AGPAT4: variants seen among roughly 807,000 people sequenced by gnomAD.
The protein encoded by AGPAT4 is 1-acyl-sn-glycerol-3-phosphate acyltransferase delta.
A neutral mutation model predicts 48.0 loss-of-function variants in AGPAT4; 15 were observed. The ratio of observed to expected loss-of-function variants is 0.31; its 90% confidence interval spans 0.21 to 0.48. The LOEUF is 0.48. AGPAT4 is among the 20% of genes least tolerant of loss of function. The probability of loss-of-function intolerance (pLI) is 0.99; values close to 1 mark genes in which losing one functional copy is unlikely to be tolerated. For missense variants in AGPAT4, 314 were observed against 482.5 expected (o/e 0.65, Z 3.27); for synonymous variants, 178 against 198.7 (o/e 0.90, Z 0.88).
At chr6:161,250,531 G>GT (rs1362150209) in intron 1 of AGPAT4, among the ~76,000 whole-genome samples, 2 of 151,664 alleles carry the variant, frequency 1.3e-5, no homozygotes, top group African/African-American at 4.8e-5. Flanking sequence ...GCTTCTTTGT[G>GT]TTTTTTCAAG....
In AGPAT4 at chr6:161,196,606, G is replaced by A. The variant is rs1287165538; in HGVS notation, c.179-30189C>T. Among the ~76,000 whole-genome samples the A allele has an allele frequency of 2.0e-5, 3 of 151,934 alleles. No homozygotes were observed. Among genetic ancestry groups the A allele is most frequent in the Admixed American group, 6.6e-5 (1 of 15,260 alleles). ...GCGGATCACTTGAGGTCAAGAGTTC[G>A]AGACCAGCCTGGCCAACATGGTGAA... On this transcript the variant is annotated intron_variant, in intron 2 of 8. Transcript: ENST00000320285. The surrounding 1 kb of genome is among the most constrained non-coding windows in gnomAD (Gnocchi z 4.3).
rs994940251 is a variant in AGPAT4 at position 161,138,224 on chromosome 6, G to A, written c.1042+1198C>T. Among the ~76,000 whole-genome samples, 2 of 152,186 alleles carry A rather than the reference G, an allele frequency of 1.3e-5. No individual in the cohort carries two copies. Among genetic ancestry groups the A allele is most frequent in the African/African-American group, 2.4e-5 (1 of 41,450 alleles). On this transcript the variant is annotated intron_variant, in intron 8 of 8. Transcript: ENST00000320285. This position sits in a 1 kb window ranked among gnomAD's most constrained non-coding sequence, Gnocchi z 4.8. ...AACCTCTTATTTTTTTCCCTTACAC[G>A]GTGTGGGTGTTGTTTTAATATTTTA...
At position 161,136,418 on chromosome 6, in the gene AGPAT4, T is replaced by G; in HGVS notation, c.*122A>C. Reference sequence around the variant, plus strand: ...AGACCAGACTCCCTGGCTGGAGAGGTCGTGACTTCCGCCGTGCCCAGCAGG... The same window carrying G: ...AGACCAGACTCCCTGGCTGGAGAGGGCGTGACTTCCGCCGTGCCCAGCAGG... On this transcript the variant is annotated 3_prime_UTR_variant, in exon 9 of 9. Transcript: ENST00000320285. 5 of 790,566 alleles carry G rather than the reference T, an allele frequency of 6.3e-6. No homozygotes were observed. Among genetic ancestry groups the G allele is most frequent in the Non-Finnish European group, 1.0e-5 (5 of 476,762 alleles). The allele number at this position is 790,566 out of a possible 1,614,324, so 49.0% of individuals were successfully genotyped here.
At position 161,226,953 on chromosome 6, in the gene AGPAT4, G is replaced by A. The variant is rs1052380394; in HGVS notation, c.178+5083C>T. Among the ~76,000 whole-genome samples the A allele has an allele frequency of 7.2e-5, 11 of 152,194 alleles. No homozygotes were observed. Among genetic ancestry groups the A allele is most frequent in the Admixed American group, 2.6e-4 (4 of 15,290 alleles). ...AAAGCAGGGAAGAAGAAGGAAGAAG[G>A]AATAGAAGAAGGAAAGATTGTTTTG... On this transcript the variant is annotated intron_variant, in intron 2 of 8. Transcript: ENST00000320285. This position sits in a 1 kb window ranked among gnomAD's most constrained non-coding sequence, Gnocchi z 6.3.
rs533914093 is a variant in AGPAT4, at chr6:161,204,643, A to G, written c.178+27393T>C. On this transcript the variant is annotated intron_variant, in intron 2 of 8. Coordinates refer to ENST00000320285, the MANE Select transcript of AGPAT4 (RefSeq NM_020133.3). This position sits in a 1 kb window ranked among gnomAD's most constrained non-coding sequence, Gnocchi z 4.4. ...ATCTCAAAAGGCAAACAAAATGTCA[A>G]TCAAAATTGATGTATGGTTGTTTGT... 6.6e-6 allele frequency among the ~76,000 whole-genome samples: 1 copy of G among 152,240 alleles called. No homozygotes were observed. Among genetic ancestry groups the G allele is most frequent in the Admixed American group, 6.5e-5 (1 of 15,286 alleles).
chr6:161,157,009 T>C (rs1479843295), intron 3 of AGPAT4, among the ~76,000 whole-genome samples: 1 of 152,226 alleles, frequency 6.6e-6, no homozygotes, highest in Admixed American at 6.5e-5. Flanking sequence ...AATACGTGGG[T>C]AAATCTCTGT....
At position 161,244,310 on chromosome 6, in the gene AGPAT4, G is replaced by A. The variant is rs1782588409; in HGVS notation, c.-89-12008C>T. Among the ~76,000 whole-genome samples the A allele has an allele frequency of 6.6e-6, 1 of 152,204 alleles. No homozygotes were observed. Among genetic ancestry groups the A allele is most frequent in the East Asian group, 1.9e-4 (1 of 5,200 alleles). On this transcript the variant is annotated intron_variant, in intron 1 of 8. Coordinates refer to ENST00000320285, the MANE Select transcript of AGPAT4 (RefSeq NM_020133.3). The surrounding 1 kb of genome is among the most constrained non-coding windows in gnomAD (Gnocchi z 4.7). ...GATGGGGCTGACACCAACGCAGACA[G>A]CACGTTCCTACATCACCAGCAAATC...
rs1346130272 is a variant in AGPAT4, at chr6:161,242,491, A to T, written c.-89-10189T>A. Among the ~76,000 whole-genome samples, 1 of 152,158 alleles carries T rather than the reference A, an allele frequency of 6.6e-6. No homozygotes were observed. Among genetic ancestry groups the T allele is most frequent in the African/African-American group, 2.4e-5 (1 of 41,430 alleles). ...TAGAAGGCCACATCCTCCAAACCCC[A>T]TCCAGCTCGCCCGCAGCCTCATGGG... On this transcript the variant is annotated intron_variant, in intron 1 of 8. Coordinates refer to ENST00000320285, the MANE Select transcript of AGPAT4 (RefSeq NM_020133.3). This position sits in a 1 kb window ranked among gnomAD's most constrained non-coding sequence, Gnocchi z 5.0.
chr6:161,170,022 T>G (rs749155751), intron 2 of AGPAT4, among the ~76,000 whole-genome samples: 1 of 152,168 alleles, frequency 6.6e-6, no homozygotes, highest in Non-Finnish European at 1.5e-5. Flanking sequence ...GGTGGTTGTA[T>G]TTTGCTCTGT....
rs1044585390 is a variant in AGPAT4, at chr6:161,244,512, G to A, written c.-89-12210C>T. ...TCATGTTTAATAACCATTGGGGAAA[G>A]GGTTACAAGCGTAATCTTTTCAGTA... On this transcript the variant is annotated intron_variant, in intron 1 of 8. Coordinates refer to ENST00000320285, the MANE Select transcript of AGPAT4 (RefSeq NM_020133.3). The surrounding 1 kb of genome is among the most constrained non-coding windows in gnomAD (Gnocchi z 4.7). Among the ~76,000 whole-genome samples the A allele has an allele frequency of 2.0e-5, 3 of 152,144 alleles. No homozygotes were observed. The highest frequency in any genetic ancestry group is 2.0e-4 in the Admixed American group (3 of 15,278).
At position 161,133,247 on chromosome 6, in the gene AGPAT4, C is replaced by CTGTT. The variant is rs1385386878; in HGVS notation, c.*3289_*3292dup. ...GGCCTTTTTTGTGTCTTTCACATCACTGTTACAAGTTGTGGCTGGACAATT... is the reference window on the plus strand; with the variant it reads ...GGCCTTTTTTGTGTCTTTCACATCACTGTTTGTTACAAGTTGTGGCTGGACAATT... On this transcript the variant is annotated 3_prime_UTR_variant, in exon 9 of 9. Coordinates refer to ENST00000320285, the MANE Select transcript of AGPAT4 (RefSeq NM_020133.3). 6.6e-6 allele frequency: 1 copy of CTGTT among 152,244 alleles called. No individual in the cohort carries two copies. Among genetic ancestry groups the CTGTT allele is most frequent in the East Asian group, 1.9e-4 (1 of 5,202 alleles). The allele number at this position is 152,244 out of a possible 1,614,324, so 9.4% of individuals were successfully genotyped here.
Position 161,155,140 on chromosome 6 carries a change from G to T in AGPAT4, c.349-830C>A, listed in dbSNP as rs1167235926. ...CACAGGTCCCCTCTGGGGAGTCTCA[G>T]GGCAGTCCTGGGTCCCCAGGGCTCG... On this transcript the variant is annotated intron_variant, in intron 3 of 8. Transcript: ENST00000320285. The surrounding 1 kb of genome is among the most constrained non-coding windows in gnomAD (Gnocchi z 5.8). Among the ~76,000 whole-genome samples the T allele has an allele frequency of 6.6e-6, 1 of 152,188 alleles. No homozygotes were observed. Among genetic ancestry groups the T allele is most frequent in the Non-Finnish European group, 1.5e-5 (1 of 68,016 alleles).
chr6:161,250,979 G>A (rs1562357533), intron 1 of AGPAT4, among the ~76,000 whole-genome samples: 1 of 151,880 alleles, frequency 6.6e-6, no homozygotes, highest in South Asian at 2.1e-4. Flanking sequence ...ATAACATCTC[G>A]CCTATTCCAT....
In AGPAT4 at chr6:161,132,685, C is replaced by T. The variant is rs1342736021; in HGVS notation, c.*3855G>A. 6.6e-6 allele frequency: 1 copy of T among 152,258 alleles called. No homozygotes were observed. Among genetic ancestry groups the T allele is most frequent in the Admixed American group, 6.5e-5 (1 of 15,294 alleles). 9.4% of individuals were successfully genotyped at this position (152,258 alleles called of 1,614,324 possible). On this transcript the variant is annotated 3_prime_UTR_variant, in exon 9 of 9. Transcript: ENST00000320285. ...CATCTGTGAGCATGTTACACATGGG[C>T]TTGCCTAAGTATTTCCTTCTCTGTG...
At chr6:161,260,957 G>A (rs903639589) in intron 1 of AGPAT4, among the ~76,000 whole-genome samples, 6 of 152,176 alleles carry the variant, frequency 3.9e-5, no homozygotes, top group Admixed American at 2.0e-4. Context: ...GCCATGAGGA[G>A]GTCAGGAAAT....
At chr6:161,194,272 C>T (rs929300713) in intron 2 of AGPAT4, among the ~76,000 whole-genome samples, 2 of 152,084 alleles carry the variant, frequency 1.3e-5, no homozygotes, top group Non-Finnish European at 2.9e-5. Context: ...AATTTGGCTA[C>T]CAGAAAATTT....
chr6:161,165,699 G>T lies in AGPAT4; in HGVS notation c.348+549C>A. 1 of 1,117,076 alleles carries T rather than the reference G, an allele frequency of 9.0e-7. No homozygotes were observed. Among genetic ancestry groups the T allele is most frequent in the Non-Finnish European group, 1.2e-6 (1 of 818,220 alleles). The allele number at this position is 1,117,076 out of a possible 1,614,324, so 69.2% of individuals were successfully genotyped here. A position where few individuals can be genotyped will look rare whatever the true frequency, so the allele number is the denominator to read the frequency against. Reference sequence around the variant, plus strand: ...CCAGTTCCAAAGGCATGCAAGCTACGTGCAAGAGGTCAAACTAGTTGGGAA... The same window carrying T: ...CCAGTTCCAAAGGCATGCAAGCTACTTGCAAGAGGTCAAACTAGTTGGGAA... On this transcript the variant is annotated intron_variant, in intron 3 of 8. Transcript: ENST00000320285. This position sits in a 1 kb window ranked among gnomAD's most constrained non-coding sequence, Gnocchi z 5.5.
intron 1 of AGPAT4, among the ~76,000 whole-genome samples, chr6:161,258,937 C>T (rs2114746358): frequency 6.6e-6 from 1 of 152,090 alleles, no homozygotes; most frequent in South Asian, 2.1e-4. Context: ...GCTGGGATTA[C>T]AGGCGCCCGC....
At position 161,140,224 on chromosome 6, in the gene AGPAT4, G is replaced by T. The variant is rs1807426; in HGVS notation, c.844-604C>A. On this transcript the variant is annotated intron_variant, in intron 7 of 8. Transcript: ENST00000320285. The surrounding 1 kb of genome is among the most constrained non-coding windows in gnomAD (Gnocchi z 6.5). The stretch of plus-strand genomic sequence containing the variant: ...AAGGCATCATGAATGACAAAGGGCT[G>T]GAGGGCTGCTGGGTGTGGCTCTCAG... Among the ~76,000 whole-genome samples, 25,735 of 152,240 alleles carry T rather than the reference G, an allele frequency of 0.17. 3,875 individuals carry two copies. Among genetic ancestry groups the T allele is most frequent in the African/African-American group, 0.41 (16,819 of 41,510 alleles).
Sources: allele counts gnomAD v4.1 joint callset (sites outside exome capture counted in the v4.1 genomes callset), GRCh38; gene constraint gnomAD v4.1.1; non-coding constraint Gnocchi (gnomAD v3.1); transcripts MANE v1.5; gene names NCBI Gene and HGNC (gene_info 2026-07-23, HGNC 2026-07-21).